MGAT4A: variants seen among roughly 807,000 people sequenced by gnomAD.
MGAT4A encodes N-acetylglucosaminyltransferase IVa.
MGAT4A carries 33 observed loss-of-function variants against 74.1 expected under a neutral mutation model. That is an observed-to-expected ratio of 0.45 (90% CI 0.34 to 0.60). The LOEUF is 0.60. MGAT4A is among the 20% of genes least tolerant of loss of function. MGAT4A has a pLI of 0.02. For missense variants in MGAT4A, 479 were observed against 628.3 expected (o/e 0.76, Z 2.54); for synonymous variants, 198 against 210.4 (o/e 0.94, Z 0.51).
At chr2:98,658,579 G>A (rs1701694970) in intron 5 of MGAT4A, among the ~76,000 whole-genome samples, 1 of 152,098 alleles carries the variant, frequency 6.6e-6, no homozygotes, top group African/African-American at 2.4e-5. Context: ...GACAGATGCT[G>A]CACGATATGA....
In MGAT4A at chr2:98,675,005, C is replaced by A. The variant is rs1701959377; in HGVS notation, c.403+30G>T. 6 of 1,602,918 alleles carry A rather than the reference C, an allele frequency of 3.7e-6. No homozygotes were observed. The East Asian group carries it at 1.3e-4, about 36-fold the overall frequency. On this transcript the variant is annotated intron_variant, in intron 4 of 15. Transcript: ENST00000393487. ...CAAAACACATTTAACAGCAGTAGTA[C>A]AACTGCAGTAAGAAACAAAATAAAC...
intron 2 of MGAT4A, among the ~76,000 whole-genome samples, chr2:98,681,905 A>C (rs1208806902): frequency 3.3e-5 from 5 of 152,220 alleles, no homozygotes; most frequent in Non-Finnish European, 5.9e-5. Flanking sequence ...GACTTCTCCA[A>C]AGGGCACAGA....
chr2:98,625,716 T>C lies in MGAT4A; in HGVS notation c.1581+7A>G, dbSNP rs1212465453. 1.9e-6 allele frequency: 3 copies of C among 1,605,178 alleles called. No individual in the cohort carries two copies. Among genetic ancestry groups the C allele is most frequent in the East Asian group, 4.5e-5 (2 of 44,752 alleles). ...TAAGTTGTTTCACTGATTTGATATA[T>C]GCTTACCTCATTAAGAATGGCCCAA... On this transcript the variant is annotated splice_region_variant and intron_variant, in intron 15 of 15. Transcript: ENST00000393487.
At chr2:98,659,514 C>T (rs1007161198) in intron 5 of MGAT4A, among the ~76,000 whole-genome samples, 7 of 152,136 alleles carry the variant, frequency 4.6e-5, no homozygotes, top group Admixed American at 1.3e-4. Flanking sequence ...GTGTCCCCAC[C>T]CAAGTCTCAT....
chr2:98,635,126 G>C, intron 14 of MGAT4A, 96 bp downstream of exon 14: 1 of 884,640 alleles, frequency 1.1e-6, no homozygotes, highest in South Asian at 1.6e-5. Context: ...ACTGGTAATT[G>C]TAATCCTCAA....
At chr2:98,676,998 G>C (rs1437529974) in intron 3 of MGAT4A, among the ~76,000 whole-genome samples, 2 of 152,228 alleles carry the variant, frequency 1.3e-5, no homozygotes, top group Non-Finnish European at 2.9e-5. Flanking sequence ...AGGTGAGGCA[G>C]TGGATCTGGA....
intron 2 of MGAT4A, among the ~76,000 whole-genome samples, chr2:98,705,335 C>T (rs1320300102): frequency 8.5e-5 from 13 of 152,240 alleles, no homozygotes; most frequent in South Asian, 2.1e-4. Flanking sequence ...CTTCATTCAC[C>T]AGCATGCCTA....
chr2:98,656,992 G>A (rs572811048), intron 6 of MGAT4A, among the ~76,000 whole-genome samples: 104 of 152,246 alleles, frequency 6.8e-4, no homozygotes, highest in Non-Finnish European at 1.0e-3. Context: ...GTCTGAAGAC[G>A]TTCTGGTTGC....
Position 98,640,184 on chromosome 2 carries a change from T to G in MGAT4A, c.1065A>C (p.Arg355Ser). The change falls in exon 11 of 16, where the codon AGA becomes AGC. Residue 355 changes from arginine (R) to serine (S), a missense_variant. Arg to Ser is a moderately radical substitution (Grantham distance 110). This residue lies in a region of MGAT4A where 236 missense variants were observed against 308.2 expected (regional missense o/e 0.77). Transcript: ENST00000393487. The part of the protein sequence containing the change: ...RQKANLRIRF[R>S]PSLFQHVGLH... ...GACCAACATGTTGGAAAAGGGAAGG[T>G]CTGAAGCGAATTCGCAGATTTGCTT... 1.9e-6 allele frequency: 3 copies of G among 1,614,070 alleles called. No individual in the cohort carries two copies. Among genetic ancestry groups the G allele is most frequent in the Non-Finnish European group, 2.5e-6 (3 of 1,180,002 alleles).
rs368902983 is a variant in MGAT4A, at chr2:98,645,376, CT to C, written c.889+51del. 17 of 1,317,454 alleles carry C rather than the reference CT, an allele frequency of 1.3e-5. No homozygotes were observed. The African/African-American group carries it at 2.0e-4, about 15-fold the overall frequency. 81.6% of individuals were successfully genotyped at this position (1,317,454 alleles called of 1,614,324 possible). A position where few individuals can be genotyped will look rare whatever the true frequency, so the allele number is the denominator to read the frequency against. ...ACAAGTAGCTACTTGGTTTTAGATT[CT>C]GAGAGTCACAGTTATTTATGAAAAG... is the stretch of plus-strand genomic sequence containing the variant. On this transcript the variant is annotated intron_variant, in intron 9 of 15. Coordinates refer to ENST00000393487, the MANE Select transcript of MGAT4A (RefSeq NM_012214.3).
Position 98,625,737 on chromosome 2 carries a change from C to T in MGAT4A, c.1567G>A (p.Ala523Thr). ...LSVIQNSAVW[A>T]ILNEIHIKKA... ...TATATGCTTACCTCATTAAGAATGGCCCAAACAGCAGAATTCTGAATAACT... is the reference window on the plus strand; with the variant it reads ...TATATGCTTACCTCATTAAGAATGGTCCAAACAGCAGAATTCTGAATAACT... Residue 523 changes from alanine (A) to threonine (T), a missense_variant, in exon 15 of 16, where the codon GCC becomes ACC. By Grantham distance (58) the Ala-to-Thr change is moderately conservative. Transcript: ENST00000393487. 1 of 1,609,610 alleles carries T rather than the reference C, an allele frequency of 6.2e-7. No homozygotes were observed. Among genetic ancestry groups the T allele is most frequent in the South Asian group, 1.1e-5 (1 of 90,672 alleles).
rs149032782 is a variant in MGAT4A, at chr2:98,631,165, C to T, written c.1468+4057G>A. 1.5e-4 allele frequency among the ~76,000 whole-genome samples: 23 copies of T among 152,338 alleles called. No homozygotes were observed. In the East Asian group the frequency reaches 3.5e-3, roughly 23 times the overall value. ...TCCACAAGACCATTCTTAGCTATCA[C>T]GCTCTACTCTTCTAACCCCCACGCC... On this transcript the variant is annotated intron_variant, in intron 14 of 15. Coordinates refer to ENST00000393487, the MANE Select transcript of MGAT4A (RefSeq NM_012214.3).
At chr2:98,664,924 T>C (rs1177822470) in intron 4 of MGAT4A, among the ~76,000 whole-genome samples, 1 of 152,190 alleles carries the variant, frequency 6.6e-6, no homozygotes, top group African/African-American at 2.4e-5. Context: ...CCTTAAAGTC[T>C]TAGTACGCTA....
Position 98,622,148 on chromosome 2 carries a change from A to T in MGAT4A, c.*3418T>A. On this transcript the variant is annotated 3_prime_UTR_variant, in exon 16 of 16. Coordinates refer to ENST00000393487, the MANE Select transcript of MGAT4A (RefSeq NM_012214.3). ...TCAGCTTTCTCTTCTCACCCAAAAT[A>T]TTCATCATCATTTGCATTATGTTCT... 1 of 985,470 alleles carries T rather than the reference A, an allele frequency of 1.0e-6. No individual in the cohort carries two copies. The highest frequency in any genetic ancestry group is 1.2e-6 in the Non-Finnish European group (1 of 829,952). 61.0% of individuals were successfully genotyped at this position (985,470 alleles called of 1,614,324 possible). A position where few individuals can be genotyped will look rare whatever the true frequency, so the allele number is the denominator to read the frequency against.
chr2:98,656,497 G>A, intron 6 of MGAT4A, 32 bp from the exon 7 acceptor site: 1 of 1,416,124 alleles, frequency 7.1e-7, no homozygotes. Flanking sequence ...AGTTACTTAA[G>A]TTCTGTGGGA....
chr2:98,636,921 C>A (rs1701329894), intron 12 of MGAT4A, among the ~76,000 whole-genome samples: 1 of 152,114 alleles, frequency 6.6e-6, no homozygotes, highest in African/African-American at 2.4e-5. Flanking sequence ...ATATTTAACC[C>A]TCTTCCCAGA....
chr2:98,726,185 C>A, intron 2 of MGAT4A, 54 bp downstream of exon 2: 1 of 1,460,464 alleles, frequency 6.8e-7, no homozygotes, highest in East Asian at 2.3e-5. Context: ...GGCACCTTAA[C>A]CAAGCAAAAA....
chr2:98,725,669 G>A (rs1342672285), intron 2 of MGAT4A, among the ~76,000 whole-genome samples: 1 of 149,602 alleles, frequency 6.7e-6, no homozygotes, highest in Non-Finnish European at 1.5e-5. Flanking sequence ...ATATAAACAC[G>A]GTTCAACAGT....
At chr2:98,692,764 T>C (rs528007519) in intron 2 of MGAT4A, among the ~76,000 whole-genome samples, 3 of 152,300 alleles carry the variant, frequency 2.0e-5, no homozygotes, top group African/African-American at 4.8e-5. Flanking sequence ...TACGTAGGTG[T>C]GTAGTGGGCT....
Sources: allele counts gnomAD v4.1 joint callset (sites outside exome capture counted in the v4.1 genomes callset), GRCh38; gene constraint gnomAD v4.1.1; regional missense constraint gnomAD v4.1.1; transcripts MANE v1.5; gene names NCBI Gene and HGNC (gene_info 2026-07-23, HGNC 2026-07-21).